Variants in LRP1B observed in about 807,000 individuals in gnomAD.
LRP1B encodes LDL receptor related protein 1B.
A neutral mutation model predicts 556.6 loss-of-function variants in LRP1B; 217 were observed. The ratio of observed to expected loss-of-function variants is 0.39; its 90% confidence interval spans 0.35 to 0.44. LRP1B has a LOEUF of 0.44. Ranked by LOEUF, LRP1B falls within the 20% of genes least tolerant of loss-of-function variation. LRP1B has a pLI of 1.00. For synonymous variants in LRP1B, 2,047 were observed against 1,865.8 expected (o/e 1.10, Z -2.50); for missense variants, 5,053 against 5,620.8 (o/e 0.90, Z 3.23).
At chr2:141,991,655 C>G (rs371595539) in intron 1 of LRP1B, among the ~76,000 whole-genome samples, 1 of 152,020 alleles carries the variant, frequency 6.6e-6, no homozygotes, top group South Asian at 2.1e-4. Context: ...TTCCGCTCCT[C>G]TTTTAGAGGA....
intron 87 of LRP1B, 50 bp from the exon 88 acceptor site, chr2:140,239,582 A>AAATTGAT (rs1680861272): frequency 1.6e-6 from 2 of 1,235,844 alleles, no homozygotes; most frequent in Middle Eastern, 1.9e-4. Flanking sequence ...AATGAAGTAA[A>AAATTGAT]AATTGATAAA....
chr2:141,847,616 TA>T (rs1260272595), intron 1 of LRP1B, among the ~76,000 whole-genome samples: 1 of 151,646 alleles, frequency 6.6e-6, no homozygotes, highest in East Asian at 1.9e-4. Context: ...TGCAATGGAA[TA>T]AAAAGCCTTA....
intron 66 of LRP1B, among the ~76,000 whole-genome samples, chr2:140,428,608 G>C (rs2105278802): frequency 6.6e-6 from 1 of 152,274 alleles, no homozygotes; most frequent in South Asian, 2.1e-4. Context: ...AGTGGCTGAA[G>C]ACTGACACTG....
intron 20 of LRP1B, among the ~76,000 whole-genome samples, chr2:140,931,714 G>T (rs920481319): frequency 1.3e-5 from 2 of 152,058 alleles, no homozygotes; most frequent in African/African-American, 4.8e-5. Flanking sequence ...ATAAAACATT[G>T]ATTTAGTTAA....
intron 83 of LRP1B, among the ~76,000 whole-genome samples, chr2:140,306,870 T>C (rs1684090450): frequency 6.6e-6 from 1 of 152,174 alleles, no homozygotes; most frequent in African/African-American, 2.4e-5. Flanking sequence ...TTGTTCTCAT[T>C]GGTTCCAAAG....
chr2:140,691,746 T>C (rs1427460794), intron 41 of LRP1B, among the ~76,000 whole-genome samples: 2 of 152,128 alleles, frequency 1.3e-5, no homozygotes, highest in Non-Finnish European at 2.9e-5. Context: ...ATTCCAAACA[T>C]GCATATGTAT....
chr2:141,176,786 A>C (rs1363784360), intron 7 of LRP1B, among the ~76,000 whole-genome samples: 1 of 152,140 alleles, frequency 6.6e-6, no homozygotes, highest in Non-Finnish European at 1.5e-5. Context: ...AATTTTGACT[A>C]TAAAGAGGAT....
intron 32 of LRP1B, among the ~76,000 whole-genome samples, chr2:140,793,144 G>C (rs1690181174): frequency 6.6e-6 from 1 of 151,684 alleles, no homozygotes; most frequent in African/African-American, 2.4e-5. Flanking sequence ...TTTAAGTAAG[G>C]CTTTAAACTT....
At chr2:141,206,033 C>G (rs1399147478) in intron 6 of LRP1B, among the ~76,000 whole-genome samples, 2 of 151,932 alleles carry the variant, frequency 1.3e-5, no homozygotes, top group Admixed American at 6.6e-5. Flanking sequence ...ATATGGGAGT[C>G]TTTTAAGTGA....
intron 3 of LRP1B, among the ~76,000 whole-genome samples, chr2:141,269,041 C>T (rs1293326609): frequency 6.6e-6 from 1 of 152,166 alleles, no homozygotes; most frequent in Non-Finnish European, 1.5e-5. Flanking sequence ...CTGTCCCAGT[C>T]CCCAGCTCCA....
At chr2:140,326,883 T>C (rs1046191140) in intron 79 of LRP1B, among the ~76,000 whole-genome samples, 1 of 152,134 alleles carries the variant, frequency 6.6e-6, no homozygotes, top group African/African-American at 2.4e-5. Context: ...TTTAGTTTCA[T>C]TTTTTGATTT....
intron 3 of LRP1B, among the ~76,000 whole-genome samples, chr2:141,318,839 T>C (rs1157962998): frequency 6.6e-6 from 1 of 152,164 alleles, no homozygotes; most frequent in Non-Finnish European, 1.5e-5. Flanking sequence ...CCTACACTTT[T>C]AGACTTTATC....
intron 11 of LRP1B, among the ~76,000 whole-genome samples, chr2:141,040,296 A>G (rs1024122861): frequency 2.0e-5 from 3 of 152,116 alleles, no homozygotes; most frequent in Admixed American, 6.6e-5. Flanking sequence ...AAAATGTTTT[A>G]TAAGACATTA....
At chr2:142,074,205 C>T (rs1016959892) in intron 1 of LRP1B, among the ~76,000 whole-genome samples, 2 of 152,042 alleles carry the variant, frequency 1.3e-5, no homozygotes, top group African/African-American at 4.8e-5. Flanking sequence ...TGAAGTCTCT[C>T]TCCCCAAAGC....
intron 2 of LRP1B, among the ~76,000 whole-genome samples, chr2:141,808,443 G>A (rs1574383452): frequency 6.6e-6 from 1 of 152,112 alleles, no homozygotes; most frequent in African/African-American, 2.4e-5. Context: ...CTTAAAAAGA[G>A]TTGGGATGTT....
intron 2 of LRP1B, among the ~76,000 whole-genome samples, chr2:141,673,280 A>C (rs1414054858): frequency 6.6e-6 from 1 of 152,220 alleles, no homozygotes; most frequent in African/African-American, 2.4e-5. Context: ...CCTTTACTGC[A>C]ATGTTGAATA....
At chr2:142,115,612 A>ATATATTATATATATAT (rs1559079925) in intron 1 of LRP1B, among the ~76,000 whole-genome samples, 2 of 26,430 alleles carry the variant, frequency 7.6e-5, no homozygotes, top group African/African-American at 2.3e-4. Flanking sequence ...AATATATATT[A>ATATATTATATATATAT]TATATATGTA....
chr2:141,404,613 T>G (rs72985139), intron 3 of LRP1B, among the ~76,000 whole-genome samples: 3,836 of 152,286 alleles, frequency 0.025, 186 homozygotes, highest in African/African-American at 0.087. Context: ...AAAATACATT[T>G]GGTTCAATAT....
At chr2:142,092,744 T>C (rs568752002) in intron 1 of LRP1B, among the ~76,000 whole-genome samples, 4 of 152,216 alleles carry the variant, frequency 2.6e-5, no homozygotes, top group South Asian at 4.1e-4. Context: ...CAGAGTTCTG[T>C]TTATATGAGA....
Sources: gnomAD v4.1 joint callset for allele counts (sites outside exome capture counted in the v4.1 genomes callset) on GRCh38, gnomAD v4.1.1 for gene constraint, MANE v1.5 for transcripts, NCBI Gene and HGNC (gene_info 2026-07-23, HGNC 2026-07-21) for gene names.